The following GRM7 variants were observed in gnomAD, a reference collection of about 807,000 sequenced individuals.
GRM7 encodes glutamate metabotropic receptor 7, also known as metabotropic glutamate receptor 7.
GRM7 carries 35 observed loss-of-function variants against 84.5 expected under a neutral mutation model. The ratio of observed to expected loss-of-function variants is 0.41; its 90% CI spans 0.32 to 0.55. GRM7 has a LOEUF of 0.55. GRM7 is among the 20% of genes least tolerant of loss of function. GRM7 has a pLI of 0.19. For synonymous variants in GRM7, 487 were observed against 455.1 expected, an observed-to-expected ratio of 1.07 and a Z score of -0.89; for missense variants, 1,003 against 1,194.6, an observed-to-expected ratio of 0.84 and a Z score of 2.36.
chr3:7,250,636 T>C (rs1697948783), intron 2 of GRM7, among the ~76,000 whole-genome samples: 1 of 152,054 alleles, frequency 6.6e-6, no homozygotes, highest in African/African-American at 2.4e-5. Context: ...CAATTTTCCT[T>C]CCTCAGCCTC....
chr3:7,031,426 A>T (rs544413352), intron 1 of GRM7, among the ~76,000 whole-genome samples: 1 of 150,966 alleles, frequency 6.6e-6, no homozygotes, highest in East Asian at 2.0e-4. Context: ...TTATTTATTT[A>T]TTTATTTTGA....
chr3:7,404,701 CT>C (rs1467007593), intron 4 of GRM7, among the ~76,000 whole-genome samples: 5 of 152,010 alleles, frequency 3.3e-5, no homozygotes, highest in African/African-American at 1.2e-4. Context: ...GATACTGTCC[CT>C]TTAAGATCTT....
intron 8 of GRM7, among the ~76,000 whole-genome samples, chr3:7,651,959 G>GCCTTCTCCTACCTCTTATTC (rs1698961171): frequency 6.6e-6 from 1 of 152,148 alleles, no homozygotes; most frequent in Admixed American, 6.5e-5. Context: ...TATTGTCCCT[G>GCCTTCTCCTACCTCTTATTC]CCTTCTCCTA....
intron 8 of GRM7, among the ~76,000 whole-genome samples, chr3:7,672,539 T>C (rs1699959327): frequency 6.6e-6 from 1 of 151,826 alleles, no homozygotes; most frequent in Non-Finnish European, 1.5e-5. Context: ...CCTGGGAACA[T>C]ACAAAACTGG....
intron 4 of GRM7, among the ~76,000 whole-genome samples, chr3:7,409,443 TG>T (rs1211269633): frequency 6.9e-6 from 1 of 145,580 alleles, no homozygotes; most frequent in East Asian, 2.1e-4. Context: ...TTTTGGGGGG[TG>T]GGGGGTAGCT....
chr3:7,111,630 A>G (rs1368539779), intron 1 of GRM7, among the ~76,000 whole-genome samples: 1 of 152,270 alleles, frequency 6.6e-6, no homozygotes, highest in East Asian at 1.9e-4. Context: ...ATTAAAACAT[A>G]GGATAATTGG....
chr3:7,048,289 T>C (rs960107758), intron 1 of GRM7, among the ~76,000 whole-genome samples: 6 of 151,970 alleles, frequency 3.9e-5, no homozygotes, highest in African/African-American at 1.2e-4. Flanking sequence ...CCATCTGACA[T>C]TGGGGAATTA....
At chr3:6,882,477 T>C (rs1210281663) in intron 1 of GRM7, among the ~76,000 whole-genome samples, 1 of 151,908 alleles carries the variant, frequency 6.6e-6, no homozygotes, top group Non-Finnish European at 1.5e-5. Flanking sequence ...GCCCAGGAGT[T>C]CCAGGCTGCC....
intron 7 of GRM7, among the ~76,000 whole-genome samples, chr3:7,571,017 T>A (rs1465194090): frequency 6.6e-6 from 1 of 152,142 alleles, no homozygotes; most frequent in Admixed American, 6.5e-5. Context: ...TCCTTTTTAG[T>A]CATGGCTGGA....
At chr3:7,183,398 G>A (rs981151257) in intron 2 of GRM7, among the ~76,000 whole-genome samples, 12 of 152,050 alleles carry the variant, frequency 7.9e-5, no homozygotes, top group Non-Finnish European at 1.6e-4. Flanking sequence ...AGGCTGAGGC[G>A]GGTGGATTGC....
intron 1 of GRM7, among the ~76,000 whole-genome samples, chr3:6,906,373 G>A (rs1696579550): frequency 6.6e-6 from 1 of 152,040 alleles, no homozygotes; most frequent in South Asian, 2.1e-4. Flanking sequence ...GGGGGATTAT[G>A]CCATTATTTT....
intron 1 of GRM7, among the ~76,000 whole-genome samples, chr3:7,037,969 AT>A (rs1696441841): frequency 6.6e-6 from 1 of 152,174 alleles, no homozygotes; most frequent in South Asian, 2.1e-4. Context: ...AAATAGTCTA[AT>A]TGCTTGCCAT....
At chr3:6,916,654 C>A (rs1696951721) in intron 1 of GRM7, among the ~76,000 whole-genome samples, 1 of 152,110 alleles carries the variant, frequency 6.6e-6, no homozygotes, top group Non-Finnish European at 1.5e-5. Flanking sequence ...TATAAGGACA[C>A]TAATCCCATT....
chr3:6,934,015 A>G (rs1242235348), intron 1 of GRM7, among the ~76,000 whole-genome samples: 1 of 152,210 alleles, frequency 6.6e-6, no homozygotes, highest in Non-Finnish European at 1.5e-5. Flanking sequence ...GAGCTTTCCG[A>G]GCTAAGACAG....
intron 1 of GRM7, among the ~76,000 whole-genome samples, chr3:6,982,528 A>G (rs1418868192): frequency 6.6e-6 from 1 of 152,164 alleles, no homozygotes; most frequent in Non-Finnish European, 1.5e-5. Flanking sequence ...TTTAAAGCAT[A>G]CAGTTCTATA....
intron 4 of GRM7, among the ~76,000 whole-genome samples, chr3:7,409,847 A>G (rs868283819): frequency 7.2e-5 from 11 of 152,056 alleles, no homozygotes; most frequent in Admixed American, 2.6e-4. Context: ...TGATCTGCCC[A>G]CCTCAGCCTC....
At chr3:7,016,570 A>T (rs1695573085) in intron 1 of GRM7, among the ~76,000 whole-genome samples, 1 of 152,194 alleles carries the variant, frequency 6.6e-6, no homozygotes, top group Non-Finnish European at 1.5e-5. Context: ...AGTGTAAGTT[A>T]CAAATTGTAA....
chr3:7,198,279 G>A (rs530150231), intron 2 of GRM7, among the ~76,000 whole-genome samples: 5 of 152,182 alleles, frequency 3.3e-5, no homozygotes, highest in East Asian at 1.9e-4. Context: ...AAAAGAAGCC[G>A]TACACAAAGG....
At chr3:7,600,279 A>G (rs1307358979) in intron 8 of GRM7, among the ~76,000 whole-genome samples, 1 of 152,096 alleles carries the variant, frequency 6.6e-6, no homozygotes, top group Non-Finnish European at 1.5e-5. Context: ...ATTTAGAGGG[A>G]AACAGATTTT....
Sources: gnomAD v4.1 joint callset for allele counts (sites outside exome capture counted in the v4.1 genomes callset) on GRCh38, gnomAD v4.1.1 for gene constraint, MANE v1.5 for transcripts, NCBI Gene and HGNC (gene_info 2026-07-23, HGNC 2026-07-21) for gene names.